Variants in MARCHF1 observed in about 807,000 individuals in gnomAD.
MARCHF1 encodes the protein membrane associated ring-CH-type finger 1.
Under a neutral mutation model 54.2 loss-of-function variants are expected in MARCHF1, and 40 were observed. That is an observed-to-expected ratio of 0.74 (90% CI 0.57 to 0.96). The LOEUF (loss-of-function observed/expected upper bound fraction) is 0.96. Among genes scored for constraint, MARCHF1 ranks in the 40% least tolerant of loss-of-function variants. The probability of loss-of-function intolerance (pLI) is 0.00; values close to 1 mark genes in which losing one functional copy is unlikely to be tolerated. For synonymous variants in MARCHF1, 236 were observed against 236.3 expected (o/e 1.00, Z 0.01); for missense variants, 586 against 656.5 (o/e 0.89, Z 1.17).
At chr4:163,696,681 AT>A (rs1744644943) in intron 5 of MARCHF1, among the ~76,000 whole-genome samples, 1 of 152,078 alleles carries the variant, frequency 6.6e-6, no homozygotes, top group South Asian at 2.1e-4. Context: ...CTTCCTTATG[AT>A]CTATGTTTTC....
chr4:163,992,770 T>C (rs1752992572), intron 2 of MARCHF1, among the ~76,000 whole-genome samples: 1 of 148,388 alleles, frequency 6.7e-6, no homozygotes, highest in Non-Finnish European at 1.5e-5. Flanking sequence ...ACATTACTTA[T>C]AAAATATAAA....
intron 5 of MARCHF1, among the ~76,000 whole-genome samples, chr4:163,640,227 A>G (rs1742505340): frequency 6.6e-6 from 1 of 152,110 alleles, no homozygotes; most frequent in African/African-American, 2.4e-5. Context: ...TACAGCAGAA[A>G]AAGCTGGACA....
Position 164,082,387 on chromosome 4 carries a change from AT to A in MARCHF1, c.-248+29200del, listed in dbSNP as rs201476770. Among the ~76,000 whole-genome samples, 1,305 of 152,326 alleles carry A rather than the reference AT, an allele frequency of 8.6e-3. 8 individuals carry two copies. Among genetic ancestry groups the A allele is most frequent in the Non-Finnish European group, 0.012 (822 of 68,028 alleles). On this transcript the variant is annotated intron_variant, in intron 2 of 9. Transcript: ENST00000514618. ...TTATAACTTTTGCCAAAAAATTTGCATAATAAGAAATGACGCAACAGATGAA... is the reference window on the plus strand; with the variant it reads ...TTATAACTTTTGCCAAAAAATTTGCAAATAAGAAATGACGCAACAGATGAA...
chr4:163,570,110 T>C (rs936842884), intron 8 of MARCHF1, among the ~76,000 whole-genome samples: 41 of 152,168 alleles, frequency 2.7e-4, no homozygotes, highest in Non-Finnish European at 1.3e-4. Flanking sequence ...AACCCTTATC[T>C]GGATGGCCAT....
chr4:163,851,079 T>C (rs1337060087), intron 4 of MARCHF1, among the ~76,000 whole-genome samples: 1 of 152,130 alleles, frequency 6.6e-6, no homozygotes, highest in Non-Finnish European at 1.5e-5. Flanking sequence ...TTCCGGAATA[T>C]AACACTTAAA....
chr4:164,209,659 T>C (rs554847162), intron 1 of MARCHF1, among the ~76,000 whole-genome samples: 1 of 152,220 alleles, frequency 6.6e-6, no homozygotes, highest in Non-Finnish European at 1.5e-5. Context: ...CTTTTATATA[T>C]TAAATAATGT....
chr4:163,797,519 A>G (rs1015979942), intron 4 of MARCHF1, among the ~76,000 whole-genome samples: 17 of 151,994 alleles, frequency 1.1e-4, no homozygotes, highest in African/African-American at 3.9e-4. Flanking sequence ...ATAGATTGGT[A>G]TATATTAGAC....
chr4:164,313,860 CATAA>C (rs964394515), intron 1 of MARCHF1, among the ~76,000 whole-genome samples: 1 of 152,112 alleles, frequency 6.6e-6, no homozygotes, highest in African/African-American at 2.4e-5. Context: ...GGATTTTTCT[CATAA>C]ATAGTTCTCA....
intron 2 of MARCHF1, among the ~76,000 whole-genome samples, chr4:164,091,508 A>G (rs900815181): frequency 6.6e-6 from 1 of 150,712 alleles, no homozygotes; most frequent in Non-Finnish European, 1.5e-5. Flanking sequence ...TTAAGAATAC[A>G]TAGTTTCCTA....
At chr4:164,150,027 T>A (rs950963171) in intron 1 of MARCHF1, among the ~76,000 whole-genome samples, 1 of 152,172 alleles carries the variant, frequency 6.6e-6, no homozygotes, top group African/African-American at 2.4e-5. Context: ...TTAGACACTA[T>A]ATTATTGTCT....
intron 9 of MARCHF1, among the ~76,000 whole-genome samples, chr4:163,539,724 T>G (rs57994732): frequency 0.011 from 1,663 of 152,318 alleles, 26 homozygotes; most frequent in African/African-American, 0.036. Context: ...TACAATTCCC[T>G]TCGTCAGGAG....
At chr4:163,903,601 T>A in intron 3 of MARCHF1, among the ~76,000 whole-genome samples, 1 of 152,056 alleles carries the variant, frequency 6.6e-6, no homozygotes, top group South Asian at 2.1e-4. Flanking sequence ...TATTTTTTCT[T>A]TCTTTCTTTC....
chr4:163,725,335 G>T (rs991453926), intron 4 of MARCHF1, among the ~76,000 whole-genome samples: 2 of 152,008 alleles, frequency 1.3e-5, no homozygotes, highest in African/African-American at 4.8e-5. Flanking sequence ...AAAGTTAAGT[G>T]GGTATGGTGG....
chr4:164,292,022 T>C (rs571473815), intron 1 of MARCHF1, among the ~76,000 whole-genome samples: 1 of 152,278 alleles, frequency 6.6e-6, no homozygotes, highest in East Asian at 1.9e-4. Context: ...TTACATGTTG[T>C]CAACCAATAG....
chr4:164,090,328 A>T (rs1445915296), intron 2 of MARCHF1, among the ~76,000 whole-genome samples: 1 of 91,796 alleles, frequency 1.1e-5, no homozygotes, highest in African/African-American at 4.0e-5. Context: ...AAGGCTCAAA[A>T]ATGTTCTTAC....
rs139131749 is a variant in MARCHF1 at position 163,546,464 on chromosome 4, G to A, written c.1192-721C>T. ...GCCTATCACTTCCTTGTGGTACTAG[G>A]TTATACGTAGTAATAGGTAACACTA... is the stretch of plus-strand genomic sequence containing the variant. On this transcript the variant is annotated intron_variant, in intron 8 of 9. Transcript: ENST00000514618. Among the ~76,000 whole-genome samples, 339 of 152,166 alleles carry A rather than the reference G, an allele frequency of 2.2e-3. 1 individual carries two copies. Among genetic ancestry groups the A allele is most frequent in the African/African-American group, 6.6e-3 (273 of 41,498 alleles).
At chr4:163,623,971 C>G (rs1741779420) in intron 5 of MARCHF1, among the ~76,000 whole-genome samples, 1 of 152,092 alleles carries the variant, frequency 6.6e-6, no homozygotes, top group African/African-American at 2.4e-5. Context: ...CACGATCAGG[C>G]ATACCAGGCA....
chr4:164,130,461 T>C (rs1337322712), intron 1 of MARCHF1, among the ~76,000 whole-genome samples: 1 of 152,174 alleles, frequency 6.6e-6, no homozygotes, highest in Admixed American at 6.6e-5. Context: ...CAATTTCATT[T>C]CATTTTATTG....
intron 1 of MARCHF1, chr4:164,189,735 T>G: frequency 8.4e-7 from 1 of 1,185,486 alleles, no homozygotes. Flanking sequence ...TTCTATAGCT[T>G]CTGATAATCA....
Sources: gnomAD v4.1 joint callset for allele counts (sites outside exome capture counted in the v4.1 genomes callset) on GRCh38, gnomAD v4.1.1 for gene constraint, MANE v1.5 for transcripts, NCBI Gene and HGNC (gene_info 2026-07-23, HGNC 2026-07-21) for gene names.